Variants in KDM5B observed in about 807,000 individuals in gnomAD.
KDM5B encodes the protein lysine demethylase 5B.
KDM5B carries 144 observed loss-of-function variants against 193.4 expected under a neutral mutation model. The observed-to-expected ratio is 0.74, with a 90% CI of 0.65 to 0.86. The LOEUF (loss-of-function observed/expected upper bound fraction) is 0.86, where lower values mean the gene tolerates loss of function less well. Ranked by LOEUF, KDM5B falls within the 40% of genes least tolerant of loss-of-function variation. KDM5B has a pLI of 0.00. For synonymous variants in KDM5B, 668 were observed against 682.6 expected, an observed-to-expected ratio of 0.98 and a Z score of 0.33; for missense variants, 1,833 against 1,886.9, an observed-to-expected ratio of 0.97 and a Z score of 0.53.
In KDM5B at chr1:202,767,005, T is replaced by C; in HGVS notation, c.632A>G (p.His211Arg). The change falls in exon 5 of 27, where the codon CAT becomes CGT. Residue 211 changes from histidine (H) to arginine (R), a missense_variant. Physicochemically the swap from His to Arg is conservative, Grantham distance 29. Around this residue, in one of 3 missense-constraint regions of KDM5B, gnomAD observed 355 missense variants for 374.9 expected, o/e 0.95. Coordinates refer to ENST00000367265, the MANE Select transcript of KDM5B (RefSeq NM_006618.5). ...TDTKDKEYKP[H>R]DIPQRQSVQP... Reference sequence around the variant, plus strand: ...CACAGACTGCCTCTGGGGAATATCATGGGGTTTGTACTCCTTGTCCTTAGT... The same window carrying C: ...CACAGACTGCCTCTGGGGAATATCACGGGGTTTGTACTCCTTGTCCTTAGT... 6.2e-7 allele frequency: 1 copy of C among 1,601,972 alleles called. No homozygotes were observed. Among genetic ancestry groups the C allele is most frequent in the Non-Finnish European group, 8.5e-7 (1 of 1,177,176 alleles).
Position 202,777,101 on chromosome 1 carries a change from G to A in KDM5B, c.205-7C>T. 1 of 1,605,980 alleles carries A rather than the reference G, an allele frequency of 6.2e-7. No individual in the cohort carries two copies. The highest frequency in any genetic ancestry group is 8.5e-7 in the Non-Finnish European group (1 of 1,172,858). ...CAAATGGTGGCTGCCAATCCTAGGA[G>A]AAAGCAAAGGCTCTTATTAGAATAA... is the stretch of plus-strand genomic sequence containing the variant. On this transcript the variant is annotated splice_region_variant and splice_polypyrimidine_tract_variant and intron_variant, in intron 1 of 26. Transcript: ENST00000367265.
Position 202,726,786 on chromosome 1 carries a change from C to T in KDM5B, c.*2250G>A, listed in dbSNP as rs899468130. 47 of 152,168 alleles carry T rather than the reference C, an allele frequency of 3.1e-4. 1 individual carries two copies. The highest frequency in any genetic ancestry group is 2.9e-3 in the Admixed American group (45 of 15,288). The allele number at this position is 152,168 out of a possible 1,614,324, so 9.4% of individuals were successfully genotyped here. On this transcript the variant is annotated 3_prime_UTR_variant, in exon 27 of 27. Coordinates refer to ENST00000367265, the MANE Select transcript of KDM5B (RefSeq NM_006618.5). ...ACAAAGGCATAAACTGGAAAGTAAA[C>T]GTTATCTGTGTTCATTAGTAGTGTG...
At chr1:202,738,282 T>C (rs1655170978) in intron 20 of KDM5B, among the ~76,000 whole-genome samples, 1 of 152,212 alleles carries the variant, frequency 6.6e-6, no homozygotes, top group Admixed American at 6.5e-5. Flanking sequence ...TGCTTTCTGA[T>C]TTTATATGTC....
intron 4 of KDM5B, among the ~76,000 whole-genome samples, chr1:202,770,351 G>A (rs1572748075): frequency 6.6e-6 from 1 of 152,112 alleles, no homozygotes; most frequent in Non-Finnish European, 1.5e-5. Context: ...CTGGAACAGT[G>A]CATCAACTTT....
At chr1:202,731,126 G>T in intron 24 of KDM5B, 63 bp from the exon 25 acceptor site, 1 of 1,378,058 alleles carries the variant, frequency 7.3e-7, no homozygotes, top group Non-Finnish European at 9.9e-7. Flanking sequence ...TCACATTTGG[G>T]TTTATGAGAC....
chr1:202,782,626 C>T (rs868566582), intron 1 of KDM5B, among the ~76,000 whole-genome samples: 5 of 152,226 alleles, frequency 3.3e-5, no homozygotes, highest in Middle Eastern at 6.8e-3. Flanking sequence ...AATAAATAAT[C>T]CAAATCCCCA....
chr1:202,801,978 C>CTT (rs541436339), intron 1 of KDM5B, among the ~76,000 whole-genome samples: 118 of 144,672 alleles, frequency 8.2e-4, no homozygotes, highest in Non-Finnish European at 1.5e-3. Context: ...TTCATTCCAT[C>CTT]TTTTTTTTTT....
At position 202,729,174 on chromosome 1, in the gene KDM5B, C is replaced by T; in HGVS notation, c.4498-1G>A. The T allele has an allele frequency of 6.2e-7, 1 of 1,614,060 alleles. No individual in the cohort carries two copies. The highest frequency in any genetic ancestry group is 8.5e-7 in the Non-Finnish European group (1 of 1,179,960). On this transcript the variant is annotated splice_acceptor_variant, in intron 26 of 26. Transcript: ENST00000367265. LOFTEE classifies it high-confidence loss of function. ...TGCCATCACACTGGACCCAGTCCAC[C>T]TGGTTACAAAGAGCAGGAAGATGGG...
At chr1:202,807,798 G>A (rs1386366401) in intron 1 of KDM5B, among the ~76,000 whole-genome samples, 4 of 151,480 alleles carry the variant, frequency 2.6e-5, no homozygotes, top group African/African-American at 7.3e-5. Context: ...CCCGGCTCCT[G>A]CCATCACTCC....
At chr1:202,805,545 C>G (rs1358217331) in intron 1 of KDM5B, among the ~76,000 whole-genome samples, 2 of 152,172 alleles carry the variant, frequency 1.3e-5, no homozygotes, top group East Asian at 3.8e-4. Context: ...ACCAATAGTT[C>G]CAATTCCCCT....
Position 202,729,145 on chromosome 1 carries a change from C to T in KDM5B, c.4526G>A (p.Cys1509Tyr). Residue 1509 changes from cysteine (C) to tyrosine (Y), a missense_variant, in exon 27 of 27, where the codon TGC becomes TAC. Cys to Tyr is a radical substitution (Grantham distance 194, BLOSUM62 -2). Around this residue, in one of 3 missense-constraint regions of KDM5B, gnomAD observed 1,379 missense variants for 1,349.6 expected, o/e 1.02. Coordinates refer to ENST00000367265, the MANE Select transcript of KDM5B (RefSeq NM_006618.5). Reference protein sequence around the residue: ...EVDWVQCDGSCNQWFHQVCVG... With the variant: ...EVDWVQCDGSYNQWFHQVCVG... ...ACAGACCTGATGAAACCACTGATTG[C>T]AGCTGCCATCACACTGGACCCAGTC... is the stretch of plus-strand genomic sequence containing the variant. 2 of 1,614,124 alleles carry T rather than the reference C, an allele frequency of 1.2e-6. No individual in the cohort carries two copies. Among genetic ancestry groups the T allele is most frequent in the Non-Finnish European group, 1.7e-6 (2 of 1,180,000 alleles).
intron 1 of KDM5B, among the ~76,000 whole-genome samples, chr1:202,781,926 T>C (rs1288948879): frequency 6.6e-6 from 1 of 152,204 alleles, no homozygotes; most frequent in African/African-American, 2.4e-5. Flanking sequence ...CAAAACACAA[T>C]TATAAAGATA....
intron 18 of KDM5B, among the ~76,000 whole-genome samples, 174 bp from the exon 19 acceptor site, chr1:202,741,896 A>G (rs1655358048): frequency 6.6e-6 from 1 of 152,154 alleles, no homozygotes; most frequent in African/African-American, 2.4e-5. Flanking sequence ...TGACTATAAC[A>G]GACACCTTAT....
Position 202,725,021 on chromosome 1 carries a change from TG to T in KDM5B, c.*4014del, listed in dbSNP as rs1654626766. The T allele has an allele frequency of 2.0e-5, 3 of 152,348 alleles. No individual in the cohort carries two copies. The highest frequency in any genetic ancestry group is 2.1e-4 in the South Asian group (1 of 4,830). The allele number at this position is 152,348 out of a possible 1,614,324, so 9.4% of individuals were successfully genotyped here. A position where few individuals can be genotyped will look rare whatever the true frequency, so the allele number is the denominator to read the frequency against. ...GAATGTTCTTTGGCCTCCACTCACC[TG>T]GAACAGGTCAAATGACCTCACCATT... On this transcript the variant is annotated 3_prime_UTR_variant, in exon 27 of 27. Coordinates refer to ENST00000367265, the MANE Select transcript of KDM5B (RefSeq NM_006618.5).
chr1:202,756,315 AT>A lies in KDM5B; in HGVS notation c.1356+42del, dbSNP rs745885362. 9.3e-6 allele frequency: 14 copies of A among 1,507,840 alleles called. No homozygotes were observed. The East Asian group carries it at 3.2e-4, about 35-fold the overall frequency. The allele number at this position is 1,507,840 out of a possible 1,614,324, so 93.4% of individuals were successfully genotyped here. On this transcript the variant is annotated intron_variant, in intron 10 of 26. Coordinates refer to ENST00000367265, the MANE Select transcript of KDM5B (RefSeq NM_006618.5). Reference sequence around the variant, plus strand: ...AGTTACTTCAAGCCAACCAAACAGAATTTCAATAAATACCTCAATTTCCAAG... The same window carrying A: ...AGTTACTTCAAGCCAACCAAACAGAATTCAATAAATACCTCAATTTCCAAG...
intron 1 of KDM5B, among the ~76,000 whole-genome samples, chr1:202,780,552 A>G (rs1040053645): frequency 2.0e-5 from 3 of 152,152 alleles, no homozygotes; most frequent in African/African-American, 7.2e-5. Flanking sequence ...ACACCTCAAT[A>G]TAGGCAAAAG....
chr1:202,769,568 C>T (rs759083801), intron 4 of KDM5B, among the ~76,000 whole-genome samples: 2 of 148,584 alleles, frequency 1.3e-5, no homozygotes, highest in Non-Finnish European at 3.0e-5. Flanking sequence ...ACTCGGGACA[C>T]TGAGGCAGGA....
chr1:202,756,439 A>G lies in KDM5B; in HGVS notation c.1275T>C (p.Tyr425=). Residue 425 remains tyrosine, a synonymous_variant, in exon 10 of 27, where the codon TAT becomes TAC. Coordinates refer to ENST00000367265, the MANE Select transcript of KDM5B (RefSeq NM_006618.5). ...ATTCCTTTGAGGCAATGTCAGCTCC[A>G]TATTCCACTGTGACATCCTCCTCAA... ...STIEEDVTVE[Y]GADIASKEFG... is the part of the protein sequence containing the mutation. The G allele has an allele frequency of 1.9e-6, 3 of 1,613,702 alleles. No homozygotes were observed. The highest frequency in any genetic ancestry group is 2.5e-6 in the Non-Finnish European group (3 of 1,179,694).
rs1378013084 is a variant in KDM5B, at chr1:202,729,066, A to G, written c.4605T>C (p.Cys1535=). 6.2e-7 allele frequency: 1 copy of G among 1,614,076 alleles called. No individual in the cohort carries two copies. The change falls in exon 27 of 27, where the codon TGT becomes TGC. Residue 1535 remains cysteine, a synonymous_variant. Coordinates refer to ENST00000367265, the MANE Select transcript of KDM5B (RefSeq NM_006618.5). ...AEKEDYICVR[C]TVKDAPSRK ...TTCGGCTTGGTGCGTCCTTCACAGT[A>G]CAGCGCACACAGATGTAGTCTTCTT...
Sources: allele counts gnomAD v4.1 joint callset (sites outside exome capture counted in the v4.1 genomes callset), GRCh38; gene constraint gnomAD v4.1.1; regional missense constraint gnomAD v4.1.1; transcripts MANE v1.5; gene names NCBI Gene and HGNC (gene_info 2026-07-23, HGNC 2026-07-21).